CCDC122: variants seen among roughly 807,000 people sequenced by gnomAD.
CCDC122 encodes coiled-coil domain containing 122, also known as coiled-coil domain-containing protein 122.
CCDC122 carries 38 observed loss-of-function variants against 37.0 expected under a neutral mutation model. The ratio of observed to expected loss-of-function variants is 1.03; its 90% CI spans 0.79 to 1.35. The LOEUF (loss-of-function observed/expected upper bound fraction) is 1.35. Ranked by LOEUF, CCDC122 falls within the 40% of genes most tolerant of loss-of-function variation. The pLI is 0.00. For synonymous variants in CCDC122, 83 were observed against 95.6 expected (o/e 0.87, Z 0.77); for missense variants, 305 against 310.0 (o/e 0.98, Z 0.12).
chr13:43,875,578 C>A (rs1474252179), intron 1 of CCDC122, among the ~76,000 whole-genome samples: 1 of 152,206 alleles, frequency 6.6e-6, no homozygotes, highest in Non-Finnish European at 1.5e-5. Flanking sequence ...CCATTATCTA[C>A]AGTAACCAGT....
rs1954369816 is a variant in CCDC122, at chr13:43,869,242, C to T, written c.46+89G>A. Reference sequence around the variant, plus strand: ...AACTGCTTCCATCTATTCTAATTTGCTATCAATTTTAACACAATTATCCTG... The same window carrying T: ...AACTGCTTCCATCTATTCTAATTTGTTATCAATTTTAACACAATTATCCTG... On this transcript the variant is annotated intron_variant, in intron 3 of 6. Transcript: ENST00000444614. 8.0e-5 allele frequency: 75 copies of T among 942,546 alleles called. 1 individual carries two copies. The South Asian group carries it at 9.9e-4, about 12-fold the overall frequency. The allele number at this position is 942,546 out of a possible 1,614,324, so 58.4% of individuals were successfully genotyped here.
Position 43,852,900 on chromosome 13 carries a change from G to A in CCDC122, c.672+5881C>T, listed in dbSNP as rs1035424787. On this transcript the variant is annotated intron_variant, in intron 6 of 6. Coordinates refer to ENST00000444614, the MANE Select transcript of CCDC122 (RefSeq NM_144974.5). ...TCCAGCCAAACTAAGCTTTATAAGC[G>A]AAGGAGAAATAAGATCCTTTTCAGA... Among the ~76,000 whole-genome samples, 6 of 151,934 alleles carry A rather than the reference G, an allele frequency of 3.9e-5. No individual in the cohort carries two copies. In the East Asian group the frequency reaches 7.7e-4, roughly 20 times the overall value.
At chr13:43,835,368 A>G (rs552217589), downstream of CCDC122, among the ~76,000 whole-genome samples, 1 of 152,158 alleles carries the variant, frequency 6.6e-6, no homozygotes, top group Non-Finnish European at 1.5e-5. Context: ...CTAAATGATG[A>G]GTTAATGGGT....
chr13:43,860,483 T>A (rs1477906527), intron 4 of CCDC122, among the ~76,000 whole-genome samples: 1 of 152,218 alleles, frequency 6.6e-6, no homozygotes, highest in African/African-American at 2.4e-5. Flanking sequence ...CTACTTCGTA[T>A]GATCATGCAT....
Position 43,874,876 on chromosome 13 carries a change from C to T in CCDC122, c.-148G>A, listed in dbSNP as rs2153880909. ...ACCAGTACCGCTGAATCTGCTGACA[C>T]TAGGGATTACTTCCTTTTCTGGCCA... On this transcript the variant is annotated 5_prime_UTR_variant, in exon 2 of 7. In the 5' UTR this introduces an upstream ATG that the reference lacks. Transcript: ENST00000444614. 1 of 152,414 alleles carries T rather than the reference C, an allele frequency of 6.6e-6. No homozygotes were observed. Among genetic ancestry groups the T allele is most frequent in the East Asian group, 1.9e-4 (1 of 5,268 alleles). 9.4% of individuals were successfully genotyped at this position (152,414 alleles called of 1,614,324 possible). A position where few individuals can be genotyped will look rare whatever the true frequency, so the allele number is the denominator to read the frequency against.
chr13:43,852,605 G>A (rs1386483225), intron 6 of CCDC122, among the ~76,000 whole-genome samples: 1 of 151,916 alleles, frequency 6.6e-6, no homozygotes, highest in African/African-American at 2.4e-5. Context: ...TAGCTAGAGA[G>A]GCCAACATTC....
downstream of CCDC122, among the ~76,000 whole-genome samples, chr13:43,831,645 G>A (rs1168613053): frequency 3.9e-5 from 6 of 152,178 alleles, no homozygotes; most frequent in African/African-American, 1.4e-4. Flanking sequence ...TTTGTGCTAT[G>A]TGAGTGAGTA....
downstream of CCDC122, among the ~76,000 whole-genome samples, chr13:43,835,226 CGCGT>C (rs1953133317): frequency 6.6e-6 from 1 of 152,010 alleles, no homozygotes; most frequent in East Asian, 1.9e-4. Flanking sequence ...AACCAAACAC[CGCGT>C]GTTCTCACTC....
chr13:43,841,649 CT>C, intron 6 of CCDC122, among the ~76,000 whole-genome samples: 1 of 152,110 alleles, frequency 6.6e-6, no homozygotes, highest in Non-Finnish European at 1.5e-5. Flanking sequence ...GATACAAGTC[CT>C]TTGTGCACAT....
In CCDC122 at chr13:43,825,507, C is replaced by T. The variant is rs117931187; in HGVS notation, n.602-1496G>A. Among the ~76,000 whole-genome samples, 98 of 152,018 alleles carry T rather than the reference C, an allele frequency of 6.4e-4. No homozygotes were observed. The East Asian group carries it at 9.9e-3, about 15-fold the overall frequency. ...GGTGTAGGCCAGGGATGGTGGCTCA[C>T]GCCTATAATCCCAGTATTTTGGGAG... On this transcript the variant is annotated intron_variant and non_coding_transcript_variant, in intron 3 of 3. Transcript: ENST00000470137.
chr13:43,831,937 A>G (rs1469729040), downstream of CCDC122, among the ~76,000 whole-genome samples: 1 of 150,926 alleles, frequency 6.6e-6, no homozygotes, highest in Non-Finnish European at 1.5e-5. Flanking sequence ...ATAGAACATT[A>G]CAGAAAAGAA....
chr13:43,850,384 T>C (rs1953684585), intron 6 of CCDC122, among the ~76,000 whole-genome samples: 1 of 152,310 alleles, frequency 6.6e-6, no homozygotes, highest in Admixed American at 6.5e-5. Context: ...CTGACAAGCA[T>C]TTTAAAGCCT....
Position 43,824,655 on chromosome 13 carries a change from G to A in CCDC122, n.602-644C>T, listed in dbSNP as rs139988090. Reference sequence around the variant, plus strand: ...GAAAATATTTGCAAACTATGCAGCTGACAAAGGTCTAATATTCAGAATCTT... The same window carrying A: ...GAAAATATTTGCAAACTATGCAGCTAACAAAGGTCTAATATTCAGAATCTT... On this transcript the variant is annotated intron_variant and non_coding_transcript_variant, in intron 3 of 3. Transcript: ENST00000470137. Among the ~76,000 whole-genome samples, 28 of 152,222 alleles carry A rather than the reference G, an allele frequency of 1.8e-4. 1 individual carries two copies. The highest frequency in any genetic ancestry group is 6.5e-4 in the African/African-American group (27 of 41,526).
intron 4 of CCDC122, among the ~76,000 whole-genome samples, chr13:43,865,617 T>A (rs1954252087): frequency 6.6e-6 from 1 of 152,086 alleles, no homozygotes; most frequent in African/African-American, 2.4e-5. Context: ...TGTACTGTAC[T>A]CAACATGCCC....
rs532689873 is a variant in CCDC122 at position 43,829,314 on chromosome 13, T to C, written n.602-5303A>G. On this transcript the variant is annotated intron_variant and non_coding_transcript_variant, in intron 3 of 3. Transcript: ENST00000470137. ...AGAATTGCTCATTTTATTTTTATTT[T>C]TATTTTTTTGAGACGGAGTCTTGCT... Among the ~76,000 whole-genome samples the C allele has an allele frequency of 1.9e-3, 285 of 152,314 alleles. 4 individuals are homozygous for C. The highest frequency in any genetic ancestry group is 1.9e-3 in the Non-Finnish European group (129 of 68,040).
At position 43,868,619 on chromosome 13, in the gene CCDC122, G is replaced by A. The variant is rs1009088751; in HGVS notation, c.156+75C>T. 378 of 721,192 alleles carry A rather than the reference G, an allele frequency of 5.2e-4. 4 individuals are homozygous for A. The East Asian group carries it at 0.012, about 23-fold the overall frequency. The allele number at this position is 721,192 out of a possible 1,614,324, so 44.7% of individuals were successfully genotyped here. The stretch of plus-strand genomic sequence containing the variant: ...CTTTAAAAGTGACTCCCAATAATAA[G>A]TATTTTTAATAATCTCCTGGTCATT... On this transcript the variant is annotated intron_variant, in intron 4 of 6. Coordinates refer to ENST00000444614, the MANE Select transcript of CCDC122 (RefSeq NM_144974.5).
At chr13:43,823,247 G>A (rs1021215193), downstream of CCDC122, among the ~76,000 whole-genome samples, 3 of 152,042 alleles carry the variant, frequency 2.0e-5, no homozygotes, top group East Asian at 5.8e-4. Context: ...ACTAGCTAGG[G>A]CTTGGAAAGA....
intron 4 of CCDC122, among the ~76,000 whole-genome samples, chr13:43,866,092 C>T (rs1954267666): frequency 6.6e-6 from 1 of 152,198 alleles, no homozygotes; most frequent in Non-Finnish European, 1.5e-5. Context: ...AAAAGGACGA[C>T]TCACATCCCA....
At position 43,858,848 on chromosome 13, in the gene CCDC122, A is replaced by G; in HGVS notation, c.605T>C (p.Ile202Thr). The change falls in exon 6 of 7, where the codon ATC (isoleucine) becomes ACC (threonine). Residue 202 changes from isoleucine to threonine, a missense_variant. Ile to Thr is a moderately conservative substitution (Grantham distance 89). Transcript: ENST00000444614. ...KDKIITVKES[I>T]IEKTCFLEEE... is the part of the protein sequence containing the mutation. ...CTCAAGAAAACAAGTTTTTTCAATG[A>G]TAGATTCTTTTACAGTTATAATTTT... is the stretch of plus-strand genomic sequence containing the variant. 3 of 1,421,232 alleles carry G rather than the reference A, an allele frequency of 2.1e-6. No individual in the cohort carries two copies. The highest frequency in any genetic ancestry group is 2.8e-6 in the Non-Finnish European group (3 of 1,054,702). 88.0% of individuals were successfully genotyped at this position (1,421,232 alleles called of 1,614,324 possible). A position where few individuals can be genotyped will look rare whatever the true frequency, so the allele number is the denominator to read the frequency against.
Sources: allele counts gnomAD v4.1 joint callset (sites outside exome capture counted in the v4.1 genomes callset), GRCh38; gene constraint gnomAD v4.1.1; transcripts MANE v1.5; gene names NCBI Gene and HGNC (gene_info 2026-07-23, HGNC 2026-07-21).